The following PDE7A variants were observed in gnomAD, a reference collection of about 807,000 sequenced individuals.
PDE7A encodes phosphodiesterase 7A, also known as high affinity 3',5'-cyclic-AMP phosphodiesterase 7A.
Under a neutral mutation model 64.3 loss-of-function variants are expected in PDE7A, and 39 were observed. The observed-to-expected ratio is 0.61, with a 90% CI of 0.47 to 0.79. The LOEUF is 0.79. Ranked by LOEUF, PDE7A falls within the 30% of genes least tolerant of loss-of-function variation. The pLI is 0.00. For synonymous variants in PDE7A, 203 were observed against 206.8 expected, an observed-to-expected ratio of 0.98 and a Z score of 0.16; for missense variants, 470 against 582.8, an observed-to-expected ratio of 0.81 and a Z score of 1.99.
In PDE7A at chr8:65,747,722, C is replaced by G; in HGVS notation, c.365G>C (p.Arg122Pro). ...TGAAACCGCAGTACCACGAAAAAAGCGTGAAGATCTAAGATATCGCTGGAA... is the reference window on the plus strand; with the variant it reads ...TGAAACCGCAGTACCACGAAAAAAGGGTGAAGATCTAAGATATCGCTGGAA... ...LSFQRYLRSS[R>P]FFRGTAVSNS... Residue 122 changes from arginine to proline, a missense_variant, in exon 4 of 13, where the codon CGC becomes CCC. Transcript: ENST00000401827. 1 of 1,610,940 alleles carries G rather than the reference C, an allele frequency of 6.2e-7. No homozygotes were observed. The highest frequency in any genetic ancestry group is 8.5e-7 in the Non-Finnish European group (1 of 1,177,446).
chr8:65,806,098 T>C (rs544628529), intron 1 of PDE7A, among the ~76,000 whole-genome samples: 1 of 152,318 alleles, frequency 6.6e-6, no homozygotes, highest in South Asian at 2.1e-4. Flanking sequence ...TTGTTTATAA[T>C]AGTGAAAAAC....
At chr8:65,803,457 G>C (rs1810042137) in intron 1 of PDE7A, among the ~76,000 whole-genome samples, 1 of 152,210 alleles carries the variant, frequency 6.6e-6, no homozygotes, top group African/African-American at 2.4e-5. Flanking sequence ...TCAGTCAGCT[G>C]CATCAGTAAT....
chr8:65,839,226 A>T (rs1403053160), intron 1 of PDE7A, among the ~76,000 whole-genome samples: 2 of 145,740 alleles, frequency 1.4e-5, no homozygotes, highest in South Asian at 2.1e-4. Context: ...TTTTTTTTAA[A>T]AAAAAAAGGG....
intron 6 of PDE7A, among the ~76,000 whole-genome samples, chr8:65,736,797 T>G (rs1273276351): frequency 1.3e-5 from 2 of 151,284 alleles, no homozygotes; most frequent in African/African-American, 4.8e-5. Context: ...TCTGTTTTTT[T>G]TTTTTTTTTT....
At chr8:65,763,364 G>A (rs1008000058) in intron 3 of PDE7A, among the ~76,000 whole-genome samples, 1 of 152,050 alleles carries the variant, frequency 6.6e-6, no homozygotes, top group Non-Finnish European at 1.5e-5. Context: ...TCAGAAGTTC[G>A]AGACCAGCCT....
At position 65,715,723 on chromosome 8, in the gene PDE7A, C is replaced by A. The variant is rs1450540323; in HGVS notation, c.*3567G>T. Among the ~76,000 whole-genome samples the A allele has an allele frequency of 2.0e-5, 3 of 146,776 alleles. No homozygotes were observed. The highest frequency in any genetic ancestry group is 5.0e-5 in the African/African-American group (2 of 40,228). ...TTAGCTGGCCGGGCACGGTGGCTCA[C>A]GCCTGTAATCCCAGCACTATGGGAG... On this transcript the variant is annotated 3_prime_UTR_variant, in exon 13 of 13. Coordinates refer to ENST00000401827, the MANE Select transcript of PDE7A (RefSeq NM_001242318.3).
At chr8:65,834,366 CTGTTTA>C (rs1563525115) in intron 1 of PDE7A, among the ~76,000 whole-genome samples, 1 of 152,086 alleles carries the variant, frequency 6.6e-6, no homozygotes, top group African/African-American at 2.4e-5. Context: ...TGCTAATCAA[CTGTTTA>C]TGTTATCAGT....
At chr8:65,739,414 T>C in intron 6 of PDE7A, 88 bp downstream of exon 6, 3 of 1,382,524 alleles carry the variant, frequency 2.2e-6, no homozygotes, top group African/African-American at 1.5e-5. Flanking sequence ...TATAGAGCAA[T>C]AGCTAACCGA....
chr8:65,800,184 C>G (rs1309885709), intron 1 of PDE7A, among the ~76,000 whole-genome samples: 1 of 152,208 alleles, frequency 6.6e-6, no homozygotes, highest in Non-Finnish European at 1.5e-5. Flanking sequence ...GATCCACTGG[C>G]ACCTGGAGTC....
At position 65,714,408 on chromosome 8, in the gene PDE7A, T is replaced by C. The variant is rs762785627; in HGVS notation, c.*4882A>G. 3.3e-5 allele frequency: 5 copies of C among 152,130 alleles called. No homozygotes were observed. The highest frequency in any genetic ancestry group is 7.3e-5 in the Non-Finnish European group (5 of 68,036). 9.4% of individuals were successfully genotyped at this position (152,130 alleles called of 1,614,324 possible). A position where few individuals can be genotyped will look rare whatever the true frequency, so the allele number is the denominator to read the frequency against. On this transcript the variant is annotated 3_prime_UTR_variant, in exon 13 of 13. Coordinates refer to ENST00000401827, the MANE Select transcript of PDE7A (RefSeq NM_001242318.3). ...ATGGTGAGCACAGGAACCAGGAAGA[T>C]GGAGGAGACCTGCTGGGTGCTCTCC...
At chr8:65,818,600 G>A (rs1334702437) in intron 1 of PDE7A, among the ~76,000 whole-genome samples, 1 of 152,178 alleles carries the variant, frequency 6.6e-6, no homozygotes, top group African/African-American at 2.4e-5. Flanking sequence ...GCAGGGAAGT[G>A]CATTCAAAGT....
chr8:65,735,238 G>C (rs1275820185), intron 6 of PDE7A, among the ~76,000 whole-genome samples: 1 of 152,152 alleles, frequency 6.6e-6, no homozygotes, highest in Non-Finnish European at 1.5e-5. Flanking sequence ...ATCGCCGAGT[G>C]AGCGGGACAG....
chr8:65,777,188 T>G (rs1197073355), intron 3 of PDE7A, among the ~76,000 whole-genome samples: 2 of 149,532 alleles, frequency 1.3e-5, no homozygotes, highest in Non-Finnish European at 3.0e-5. Context: ...CAAGCGATTC[T>G]CCTGCCTCGG....
chr8:65,808,891 C>A (rs1288918698), intron 1 of PDE7A, among the ~76,000 whole-genome samples: 1 of 152,108 alleles, frequency 6.6e-6, no homozygotes, highest in African/African-American at 2.4e-5. Flanking sequence ...TTGTTCTCTA[C>A]CTCAAGACAA....
intron 1 of PDE7A, among the ~76,000 whole-genome samples, chr8:65,836,216 G>A (rs1810947230): frequency 6.6e-6 from 1 of 152,232 alleles, no homozygotes; most frequent in South Asian, 2.1e-4. Flanking sequence ...TATGCTAACA[G>A]TAATTTGGAA....
chr8:65,812,561 GA>G (rs1008645339), intron 1 of PDE7A, among the ~76,000 whole-genome samples: 4 of 150,838 alleles, frequency 2.7e-5, no homozygotes, highest in East Asian at 1.9e-4. Context: ...CTTAAAAGTG[GA>G]AAAAAAATGA....
At chr8:65,759,072 C>T (rs144123018) in intron 3 of PDE7A, among the ~76,000 whole-genome samples, 1 of 152,348 alleles carries the variant, frequency 6.6e-6, no homozygotes, top group African/African-American at 2.4e-5. Flanking sequence ...TCCACTCATT[C>T]CATGGACCTC....
At position 65,723,617 on chromosome 8, in the gene PDE7A, A is replaced by C; in HGVS notation, c.1167T>G (p.Asp389Glu). The C allele has an allele frequency of 6.4e-7, 1 of 1,553,600 alleles. No individual in the cohort carries two copies. Among genetic ancestry groups the C allele is most frequent in the Non-Finnish European group, 8.7e-7 (1 of 1,153,640 alleles). ...KVTEEFFHQG[D>E]IEKKYHLGVS... ...CACCCAAATGATATTTTTTTTCTAT[A>C]TCTCCTATAAATTAAAAAAAGAGAA... The change falls in exon 12 of 13, where the codon GAT becomes GAG. Residue 389 changes from aspartate to glutamate, a missense_variant. Transcript: ENST00000401827.
intron 1 of PDE7A, among the ~76,000 whole-genome samples, chr8:65,826,738 CA>C (rs1332803661): frequency 7.2e-5 from 11 of 152,182 alleles, no homozygotes; most frequent in African/African-American, 2.7e-4. Context: ...CACAGTACCA[CA>C]AATCGGGTGG....
Sources: allele counts gnomAD v4.1 joint callset (sites outside exome capture counted in the v4.1 genomes callset), GRCh38; gene constraint gnomAD v4.1.1; transcripts MANE v1.5; gene names NCBI Gene and HGNC (gene_info 2026-07-23, HGNC 2026-07-21).